Variants in SPAG17 observed in about 807,000 individuals in gnomAD.
The protein encoded by SPAG17 is sperm-associated antigen 17.
SPAG17 carries 169 observed loss-of-function variants against 273.6 expected under a neutral mutation model. The ratio of observed to expected loss-of-function variants is 0.62; its 90% CI spans 0.55 to 0.70. SPAG17 has a LOEUF of 0.70. SPAG17 is among the 30% of genes least tolerant of loss of function. SPAG17 has a pLI of 0.00. For missense variants in SPAG17, 2,557 were observed against 2,627.8 expected, an observed-to-expected ratio of 0.97 and a Z score of 0.59; for synonymous variants, 825 against 873.2, an observed-to-expected ratio of 0.94 and a Z score of 0.97.
rs113958878 is a variant in SPAG17 at position 117,995,735 on chromosome 1, C to CACACACACACACAT, written c.5053+634_5053+635insATGTGTGTGTGTGT. Among the ~76,000 whole-genome samples, 6 of 149,630 alleles carry CACACACACACACAT rather than the reference C, an allele frequency of 4.0e-5. No individual in the cohort carries two copies. The South Asian group carries it at 6.4e-4, about 16-fold the overall frequency. ...ACACACACACACACACACACACACA[C>CACACACACACACAT]AAACCTAGGCACAGCACATAGGTTT... is the stretch of plus-strand genomic sequence containing the variant. On this transcript the variant is annotated intron_variant, in intron 34 of 48. Transcript: ENST00000336338.
intron 34 of SPAG17, among the ~76,000 whole-genome samples, chr1:117,995,283 G>T (rs952202680): frequency 4.0e-5 from 6 of 151,848 alleles, no homozygotes; most frequent in Non-Finnish European, 7.4e-5. Context: ...CTTTCCCCTC[G>T]GAGACCTTAT....
chr1:118,084,738 T>C (rs145341498), intron 13 of SPAG17, among the ~76,000 whole-genome samples: 179 of 152,306 alleles, frequency 1.2e-3, no homozygotes, highest in Middle Eastern at 3.4e-3. Flanking sequence ...CTGAGGTGGC[T>C]TTCTTCCTGA....
At chr1:117,994,668 T>C (rs1356663914) in intron 34 of SPAG17, 138 bp from the exon 35 acceptor site, 9 of 821,708 alleles carry the variant, frequency 1.1e-5, no homozygotes, top group Non-Finnish European at 1.6e-5. Context: ...ATGACTATAC[T>C]TAGGAACCTT....
At chr1:118,029,036 G>A (rs1163096824) in intron 25 of SPAG17, among the ~76,000 whole-genome samples, 1 of 152,098 alleles carries the variant, frequency 6.6e-6, no homozygotes, top group Non-Finnish European at 1.5e-5. Context: ...GATCACCTGA[G>A]GCAAGGAGTT....
At position 118,081,513 on chromosome 1, in the gene SPAG17, A is replaced by C; in HGVS notation, c.1892T>G (p.Met631Arg). ...SGMMCGSDSE[M>R]FNIPWDNPAR... ...AGGGTTGTCCCACGGTATGTTGAACATTTCAGAATCTGACCCACACATCAT... is the reference window on the plus strand; with the variant it reads ...AGGGTTGTCCCACGGTATGTTGAACCTTTCAGAATCTGACCCACACATCAT... The change falls in exon 14 of 49, where the codon ATG becomes AGG. Residue 631 changes from methionine (M) to arginine (R), a missense_variant. Physicochemically the swap from Met to Arg is moderately conservative, Grantham distance 91. Transcript: ENST00000336338. The C allele has an allele frequency of 1.2e-6, 2 of 1,613,864 alleles. No individual in the cohort carries two copies. Among genetic ancestry groups the C allele is most frequent in the South Asian group, 2.2e-5 (2 of 91,072 alleles).
At chr1:118,013,618 A>G (rs1389409018) in intron 29 of SPAG17, among the ~76,000 whole-genome samples, 1 of 152,192 alleles carries the variant, frequency 6.6e-6, no homozygotes, top group African/African-American at 2.4e-5. Flanking sequence ...TATGTGGGTT[A>G]AACGAGATGA....
chr1:117,983,419 G>C (rs1656055650), intron 42 of SPAG17, among the ~76,000 whole-genome samples: 1 of 152,210 alleles, frequency 6.6e-6, no homozygotes, highest in Non-Finnish European at 1.5e-5. Flanking sequence ...TTGTCTCATT[G>C]TTGGTAGGAG....
intron 4 of SPAG17, among the ~76,000 whole-genome samples, chr1:118,104,777 A>G (rs1656283676): frequency 6.6e-6 from 1 of 152,216 alleles, no homozygotes; most frequent in Admixed American, 6.5e-5. Flanking sequence ...TGGAGTGTGG[A>G]GGTGGAAAAT....
At chr1:118,091,866 A>G in intron 9 of SPAG17, 64 bp downstream of exon 9, 2 of 1,505,364 alleles carry the variant, frequency 1.3e-6, no homozygotes, top group South Asian at 1.1e-5. Flanking sequence ...TATGGAGGGC[A>G]GTCATTATCT....
intron 43 of SPAG17, among the ~76,000 whole-genome samples, chr1:117,974,307 C>T (rs1042323065): frequency 7.2e-5 from 11 of 152,108 alleles, no homozygotes; most frequent in African/African-American, 2.7e-4. Flanking sequence ...ATTTTACATA[C>T]ATGACCTAAT....
intron 15 of SPAG17, among the ~76,000 whole-genome samples, chr1:118,077,947 G>T (rs1654240805): frequency 6.6e-6 from 1 of 152,136 alleles, no homozygotes; most frequent in Non-Finnish European, 1.5e-5. Context: ...CTTCCTACTT[G>T]TATGTAGTTG....
intron 32 of SPAG17, among the ~76,000 whole-genome samples, chr1:118,003,177 G>A (rs1658497766): frequency 6.6e-6 from 1 of 152,196 alleles, no homozygotes; most frequent in African/African-American, 2.4e-5. Context: ...GGCTTGCAGG[G>A]TTTCTGCCAA....
intron 36 of SPAG17, among the ~76,000 whole-genome samples, chr1:117,991,994 C>T (rs907520300): frequency 6.6e-6 from 1 of 152,164 alleles, no homozygotes; most frequent in African/African-American, 2.4e-5. Context: ...GTGCCAGGTG[C>T]TAGGTATATA....
In SPAG17 at chr1:118,094,433, T is replaced by A. The variant is rs1442233388; in HGVS notation, c.1012-1116A>T. On this transcript the variant is annotated intron_variant, in intron 7 of 48. Coordinates refer to ENST00000336338, the MANE Select transcript of SPAG17 (RefSeq NM_206996.4). ...ACAGTTATCATGCATTGAAGGGCATTTATTTGATGTAAAGCTTTTGTTACC... is the reference window on the plus strand; with the variant it reads ...ACAGTTATCATGCATTGAAGGGCATATATTTGATGTAAAGCTTTTGTTACC... Among the ~76,000 whole-genome samples, 4 of 152,298 alleles carry A rather than the reference T, an allele frequency of 2.6e-5. No individual in the cohort carries two copies. In the East Asian group the frequency reaches 7.7e-4, roughly 29 times the overall value.
At chr1:117,955,777 C>T (rs1334360932) in intron 48 of SPAG17, among the ~76,000 whole-genome samples, 1 of 151,174 alleles carries the variant, frequency 6.6e-6, no homozygotes, top group African/African-American at 2.4e-5. Flanking sequence ...AAAAAAAAAT[C>T]ATTGGATTCA....
intron 40 of SPAG17, among the ~76,000 whole-genome samples, chr1:117,986,468 C>T (rs1443346630): frequency 1.3e-5 from 2 of 152,204 alleles, no homozygotes; most frequent in African/African-American, 4.8e-5. Flanking sequence ...CTGTGACACT[C>T]ATCTAATTAT....
At chr1:118,057,496 G>A (rs1651829426) in intron 18 of SPAG17, among the ~76,000 whole-genome samples, 1 of 151,998 alleles carries the variant, frequency 6.6e-6, no homozygotes, top group African/African-American at 2.4e-5. Flanking sequence ...CCTACACCAA[G>A]GAAATATAGA....
chr1:117,955,653 A>G lies in SPAG17; in HGVS notation c.*1-1604T>C, dbSNP rs1215163616. Among the ~76,000 whole-genome samples, 3 of 151,952 alleles carry G rather than the reference A, an allele frequency of 2.0e-5. No individual in the cohort carries two copies. The East Asian group carries it at 5.8e-4, about 29-fold the overall frequency. On this transcript the variant is annotated intron_variant, in intron 48 of 48. Transcript: ENST00000336338. Reference sequence around the variant, plus strand: ...GAAGCACCAATTGTTAATTTGTTTTATATTTTGGCTTCTTTTCTATGTACA... The same window carrying G: ...GAAGCACCAATTGTTAATTTGTTTTGTATTTTGGCTTCTTTTCTATGTACA...
chr1:118,063,426 T>C (rs1652573379), intron 18 of SPAG17, among the ~76,000 whole-genome samples: 1 of 152,082 alleles, frequency 6.6e-6, no homozygotes, highest in South Asian at 2.1e-4. Flanking sequence ...TCAGAAATAA[T>C]GCCGCCTATC....
Sources: gnomAD v4.1 joint callset for allele counts (sites outside exome capture counted in the v4.1 genomes callset) on GRCh38, gnomAD v4.1.1 for gene constraint, MANE v1.5 for transcripts, NCBI Gene and HGNC (gene_info 2026-07-23, HGNC 2026-07-21) for gene names.